FOXN3: variants seen among roughly 807,000 people sequenced by gnomAD.
The protein encoded by FOXN3 is forkhead box N3.
Under a neutral mutation model 38.4 loss-of-function variants are expected in FOXN3, and 7 were observed. The ratio of observed to expected loss-of-function variants is 0.18; its 90% CI spans 0.10 to 0.34. The LOEUF is 0.34. FOXN3 is among the 10% of genes least tolerant of loss of function. The pLI is 1.00. For synonymous variants in FOXN3, 230 were observed against 242.2 expected (o/e 0.95, Z 0.47); for missense variants, 456 against 613.4 (o/e 0.74, Z 2.71).
At chr14:89,477,196 C>G (rs77198226) in intron 1 of FOXN3, among the ~76,000 whole-genome samples, 216 of 152,226 alleles carry the variant, frequency 1.4e-3, no homozygotes, top group African/African-American at 5.0e-3. Context: ...TTAGACTAAG[C>G]CCAAGCACGG....
chr14:89,555,844 T>TGTGTGA (rs1895105278), intron 1 of FOXN3, among the ~76,000 whole-genome samples: 1 of 104,906 alleles, frequency 9.5e-6, no homozygotes. Flanking sequence ...TCATGGTGTG[T>TGTGTGA]GTGTGTGTGT....
intron 3 of FOXN3, among the ~76,000 whole-genome samples, chr14:89,327,419 C>T (rs17125687): frequency 0.05 from 7,668 of 152,088 alleles, 651 homozygotes; most frequent in African/African-American, 0.18. Context: ...GACAAGTATG[C>T]GACAAGGTTT....
At position 89,294,573 on chromosome 14, in the gene FOXN3, G is replaced by A. The variant is rs567566297; in HGVS notation, c.681-13559C>T. 3.3e-4 allele frequency among the ~76,000 whole-genome samples: 50 copies of A among 152,212 alleles called. 1 individual carries two copies. The South Asian group carries it at 4.4e-3, about 13-fold the overall frequency. ...AAGTCACAGGATGAGACAGGAGGTC[G>A]GCACAAGATGCAGGTCACAAAGACC... On this transcript the variant is annotated intron_variant, in intron 3 of 5. Coordinates refer to ENST00000557258, the MANE Select transcript of FOXN3 (RefSeq NM_005197.4).
chr14:89,419,290 C>A, upstream of FOXN3: 1 of 444,316 alleles, frequency 2.3e-6, no homozygotes, highest in Non-Finnish European at 4.5e-6. Context: ...TGCTGAAAGC[C>A]AAAGGAGGGC....
rs914367053 is a variant in FOXN3 at position 89,573,118 on chromosome 14, G to A, written c.-15+45910C>T. Among the ~76,000 whole-genome samples, 6 of 152,178 alleles carry A rather than the reference G, an allele frequency of 3.9e-5. No individual in the cohort carries two copies. The South Asian group carries it at 6.2e-4, about 16-fold the overall frequency. On this transcript the variant is annotated intron_variant, in intron 1 of 6. Transcript: ENST00000345097. ...TCACCTAGTGCTTCTGAGTGTCCCC[G>A]AGATGCACTTCTAGTTTGACAGTGC...
At chr14:89,288,060 CA>C (rs367567642) in intron 3 of FOXN3, among the ~76,000 whole-genome samples, 16,657 of 55,648 alleles carry the variant, frequency 0.3, 1,208 homozygotes, top group African/African-American at 0.33. Flanking sequence ...GACCCTGTCT[CA>C]AAAAAAAATA....
At chr14:89,596,154 T>C (rs530213341) in intron 1 of FOXN3, among the ~76,000 whole-genome samples, 6 of 152,306 alleles carry the variant, frequency 3.9e-5, no homozygotes, top group Non-Finnish European at 5.9e-5. Context: ...GATTGATTGA[T>C]TGAGACAGAG....
At chr14:89,295,373 G>A (rs897223528) in intron 3 of FOXN3, among the ~76,000 whole-genome samples, 2 of 152,208 alleles carry the variant, frequency 1.3e-5, no homozygotes, top group Non-Finnish European at 1.5e-5. Context: ...CCATTCTAAC[G>A]CCTTATACCT....
intron 1 of FOXN3, among the ~76,000 whole-genome samples, chr14:89,452,711 G>A (rs530653964): frequency 6.6e-6 from 1 of 152,278 alleles, no homozygotes; most frequent in East Asian, 1.9e-4. Flanking sequence ...CTAAGGACAG[G>A]GGTCCAGAGA....
chr14:89,424,643 C>G (rs1043754417), intron 1 of FOXN3, among the ~76,000 whole-genome samples: 1 of 149,600 alleles, frequency 6.7e-6, no homozygotes, highest in African/African-American at 2.5e-5. Context: ...TTTGGGAGGT[C>G]GAGGCTGGGG....
intron 5 of FOXN3, among the ~76,000 whole-genome samples, chr14:89,166,129 T>C (rs971470837): frequency 3.3e-5 from 5 of 152,192 alleles, no homozygotes; most frequent in African/African-American, 4.8e-5. Flanking sequence ...GTTTGAACAT[T>C]TTTTAAATCA....
At chr14:89,523,041 T>C (rs919654861) in intron 1 of FOXN3, among the ~76,000 whole-genome samples, 1 of 152,056 alleles carries the variant, frequency 6.6e-6, no homozygotes, top group East Asian at 1.9e-4. Flanking sequence ...ATCACACTAA[T>C]ATAAATCAAA....
At chr14:89,215,491 T>G (rs1321625832) in intron 4 of FOXN3, among the ~76,000 whole-genome samples, 7 of 152,208 alleles carry the variant, frequency 4.6e-5, no homozygotes, top group African/African-American at 1.7e-4. Context: ...CTTCCACTAT[T>G]TAAAATGTCA....
At chr14:89,338,067 A>G (rs1012401790) in intron 3 of FOXN3, among the ~76,000 whole-genome samples, 4 of 152,254 alleles carry the variant, frequency 2.6e-5, no homozygotes, top group African/African-American at 9.6e-5. Context: ...GACCAGGTCC[A>G]AACAGTCTGG....
intron 1 of FOXN3, among the ~76,000 whole-genome samples, chr14:89,475,105 C>T (rs900352067): frequency 4.6e-5 from 7 of 152,126 alleles, no homozygotes; most frequent in African/African-American, 7.2e-5. Flanking sequence ...TGAGCCACCG[C>T]GCCCGGCCAG....
intron 4 of FOXN3, among the ~76,000 whole-genome samples, chr14:89,198,092 C>A (rs950519317): frequency 1.3e-5 from 2 of 152,068 alleles, no homozygotes; most frequent in Non-Finnish European, 2.9e-5. Context: ...AGCAAAGGAT[C>A]AAAAATATTA....
intron 4 of FOXN3, among the ~76,000 whole-genome samples, chr14:89,247,409 G>T (rs1885330254): frequency 6.6e-6 from 1 of 152,184 alleles, no homozygotes; most frequent in South Asian, 2.1e-4. Context: ...GCTATGAAAG[G>T]CCAGGGAAGT....
chr14:89,468,228 C>A (rs1036349074), intron 1 of FOXN3, among the ~76,000 whole-genome samples: 1 of 151,868 alleles, frequency 6.6e-6, no homozygotes, highest in Non-Finnish European at 1.5e-5. Flanking sequence ...CTGGGGCGGG[C>A]GGATCACCTG....
intron 2 of FOXN3, among the ~76,000 whole-genome samples, chr14:89,402,929 C>T (rs914872439): frequency 6.6e-6 from 1 of 152,144 alleles, no homozygotes; most frequent in Non-Finnish European, 1.5e-5. Context: ...ATGCTCATTC[C>T]CACACCCGAA....
Sources: gnomAD v4.1 joint callset for allele counts (sites outside exome capture counted in the v4.1 genomes callset) on GRCh38, gnomAD v4.1.1 for gene constraint, MANE v1.5 for transcripts, NCBI Gene and HGNC (gene_info 2026-07-23, HGNC 2026-07-21) for gene names.